Variants in RGS7BP observed in about 807,000 individuals in gnomAD.
RGS7BP encodes the protein regulator of G protein signaling 7-binding protein.
In RGS7BP, 9 loss-of-function variants were observed where a neutral mutation model predicts 31.3. That is an observed-to-expected ratio of 0.29 (90% CI 0.17 to 0.50). The LOEUF is 0.50. Ranked by LOEUF, RGS7BP falls within the 20% of genes least tolerant of loss-of-function variation. The pLI, the probability that RGS7BP is intolerant of heterozygous loss-of-function variation, is 0.98. For missense variants in RGS7BP, 274 were observed against 322.0 expected (o/e 0.85, Z 1.14); for synonymous variants, 115 against 120.1 (o/e 0.96, Z 0.28).
At chr5:64,590,816 A>T (rs534417679) in intron 3 of RGS7BP, among the ~76,000 whole-genome samples, 1 of 152,266 alleles carries the variant, frequency 6.6e-6, no homozygotes, top group East Asian at 1.9e-4. Flanking sequence ...TATATCCAGA[A>T]ATAAACCCAC....
chr5:64,550,354 G>A (rs1443123928), intron 2 of RGS7BP, among the ~76,000 whole-genome samples: 1 of 152,080 alleles, frequency 6.6e-6, no homozygotes. Context: ...ATTCTCACTT[G>A]GCAGAGTGAA....
chr5:64,583,796 C>T (rs1237770854), intron 3 of RGS7BP, among the ~76,000 whole-genome samples: 1 of 152,206 alleles, frequency 6.6e-6, no homozygotes, highest in Non-Finnish European at 1.5e-5. Context: ...CAAGGATAAT[C>T]TAAAGCCTTC....
chr5:64,531,237 A>G (rs1749362842), intron 2 of RGS7BP, among the ~76,000 whole-genome samples: 1 of 152,258 alleles, frequency 6.6e-6, no homozygotes, highest in Non-Finnish European at 1.5e-5. Context: ...TGGCTCCTGC[A>G]GAACAGTGTT....
At chr5:64,572,309 T>C (rs1742318438) in intron 2 of RGS7BP, among the ~76,000 whole-genome samples, 2 of 152,182 alleles carry the variant, frequency 1.3e-5, no homozygotes, top group South Asian at 4.1e-4. Flanking sequence ...GCAAATGCTC[T>C]TAATGTTTCC....
intron 2 of RGS7BP, among the ~76,000 whole-genome samples, chr5:64,524,751 C>T (rs1749189891): frequency 6.6e-6 from 1 of 152,112 alleles, no homozygotes. Flanking sequence ...CCACAGGCAT[C>T]GCACGGCAAC....
intron 2 of RGS7BP, among the ~76,000 whole-genome samples, chr5:64,531,972 T>C (rs1370526889): frequency 3.9e-5 from 6 of 152,284 alleles, no homozygotes; most frequent in African/African-American, 1.2e-4. Context: ...AGTTTTTTTT[T>C]CCCCCTCTCT....
At chr5:64,532,095 C>A (rs909999136) in intron 2 of RGS7BP, among the ~76,000 whole-genome samples, 4 of 152,026 alleles carry the variant, frequency 2.6e-5, no homozygotes, top group Non-Finnish European at 5.9e-5. Flanking sequence ...TTTCATAAGT[C>A]TTTTTGGCAT....
intron 2 of RGS7BP, among the ~76,000 whole-genome samples, chr5:64,568,781 T>TG: frequency 8.7e-6 from 1 of 115,032 alleles, no homozygotes; most frequent in South Asian, 2.9e-4. Flanking sequence ...TGATGGTTAT[T>TG]GTTTTTTTTT....
At chr5:64,573,651 G>A (rs995001577) in intron 2 of RGS7BP, 1 of 151,144 alleles carries the variant, frequency 6.6e-6, no homozygotes, top group South Asian at 2.1e-4. Flanking sequence ...ATGCAAATTT[G>A]TGAAGCATTA....
At chr5:64,516,240 A>G (rs1748971471) in intron 2 of RGS7BP, among the ~76,000 whole-genome samples, 1 of 152,248 alleles carries the variant, frequency 6.6e-6, no homozygotes, top group Admixed American at 6.5e-5. Context: ...GGGGAAATAT[A>G]TACTAACCCA....
intron 3 of RGS7BP, among the ~76,000 whole-genome samples, chr5:64,577,619 T>G (rs1319408071): frequency 6.6e-6 from 1 of 152,136 alleles, no homozygotes; most frequent in Non-Finnish European, 1.5e-5. Context: ...TTTACTTCTG[T>G]TATTAATATA....
intron 2 of RGS7BP, among the ~76,000 whole-genome samples, chr5:64,557,178 T>C (rs1452638037): frequency 6.6e-6 from 1 of 152,146 alleles, no homozygotes; most frequent in Non-Finnish European, 1.5e-5. Context: ...ACCTAAATTC[T>C]TGGGAAAGAA....
intron 3 of RGS7BP, among the ~76,000 whole-genome samples, chr5:64,577,288 C>T (rs1346870282): frequency 6.6e-6 from 1 of 151,638 alleles, no homozygotes; most frequent in East Asian, 1.9e-4. Flanking sequence ...AATACAAAAA[C>T]AAAATTAGCC....
chr5:64,507,301 C>G (rs1456658557), intron 1 of RGS7BP, among the ~76,000 whole-genome samples: 2 of 152,166 alleles, frequency 1.3e-5, no homozygotes, highest in Non-Finnish European at 2.9e-5. Flanking sequence ...TACCTGTCGC[C>G]TCCCCCGCCC....
chr5:64,519,169 G>A (rs1344511997), intron 2 of RGS7BP, among the ~76,000 whole-genome samples: 1 of 152,200 alleles, frequency 6.6e-6, no homozygotes, highest in Non-Finnish European at 1.5e-5. Context: ...GCTTGGATGT[G>A]AGGAGTGAGG....
intron 2 of RGS7BP, among the ~76,000 whole-genome samples, chr5:64,549,170 G>T (rs913551929): frequency 6.6e-5 from 10 of 152,012 alleles, no homozygotes; most frequent in African/African-American, 2.4e-4. Flanking sequence ...AGAATTCCTC[G>T]CCAGCTATAT....
chr5:64,587,084 CA>C (rs967598298), intron 3 of RGS7BP, among the ~76,000 whole-genome samples: 43 of 152,062 alleles, frequency 2.8e-4, no homozygotes, highest in African/African-American at 1.0e-3. Context: ...ATCAAATGGT[CA>C]GGGGGAAAAC....
chr5:64,589,397 A>G (rs542712163), intron 3 of RGS7BP, among the ~76,000 whole-genome samples: 145 of 152,296 alleles, frequency 9.5e-4, no homozygotes, highest in African/African-American at 3.4e-3. Flanking sequence ...AATACTTAGC[A>G]TCATGAATAA....
chr5:64,588,811 CT>C (rs1164897523), intron 3 of RGS7BP, among the ~76,000 whole-genome samples: 2 of 150,700 alleles, frequency 1.3e-5, no homozygotes, highest in Non-Finnish European at 2.9e-5. Context: ...ATGGAGAGTA[CT>C]TAAAAAAATG....
Sources: gnomAD v4.1 joint callset for allele counts (sites outside exome capture counted in the v4.1 genomes callset) on GRCh38, gnomAD v4.1.1 for gene constraint, MANE v1.5 for transcripts, NCBI Gene and HGNC (gene_info 2026-07-23, HGNC 2026-07-21) for gene names.